The following KCNH5 variants were observed in gnomAD, a reference collection of about 807,000 sequenced individuals.
KCNH5 encodes the protein voltage-gated delayed rectifier potassium channel KCNH5.
KCNH5 carries 46 observed loss-of-function variants against 96.1 expected under a neutral mutation model. The ratio of observed to expected loss-of-function variants is 0.48; its 90% CI spans 0.38 to 0.61. The LOEUF is 0.61. Among genes scored for constraint, KCNH5 ranks in the 20% least tolerant of loss-of-function variants. The pLI is 0.00. For synonymous variants in KCNH5, 439 were observed against 449.8 expected (o/e 0.98, Z 0.30); for missense variants, 907 against 1,225.8 (o/e 0.74, Z 3.88).
At chr14:62,828,632 G>A (rs964018153) in intron 8 of KCNH5, among the ~76,000 whole-genome samples, 11 of 152,106 alleles carry the variant, frequency 7.2e-5, no homozygotes, top group African/African-American at 2.7e-4. Context: ...ACAGCATGGA[G>A]GAAACTTCCC....
At chr14:62,879,344 C>T (rs1336648725) in intron 7 of KCNH5, among the ~76,000 whole-genome samples, 6 of 152,068 alleles carry the variant, frequency 3.9e-5, no homozygotes, top group South Asian at 2.1e-4. Flanking sequence ...AACAGTCCCA[C>T]GTAATCTCCG....
intron 10 of KCNH5, among the ~76,000 whole-genome samples, chr14:62,708,967 C>G (rs921332322): frequency 6.6e-6 from 1 of 151,988 alleles, no homozygotes; most frequent in African/African-American, 2.4e-5. Context: ...CTCTGTTGGC[C>G]GGGCGCGGCG....
At chr14:62,987,041 T>G (rs531320469) in intron 5 of KCNH5, 31 bp downstream of exon 5, 1 of 1,467,854 alleles carries the variant, frequency 6.8e-7, no homozygotes, top group African/African-American at 1.4e-5. Context: ...AACACCACCA[T>G]CTTGGGAAGC....
chr14:63,018,469 G>A (rs1049196686), intron 1 of KCNH5, among the ~76,000 whole-genome samples: 6 of 151,952 alleles, frequency 3.9e-5, no homozygotes, highest in Non-Finnish European at 5.9e-5. Flanking sequence ...TAAAGAGATG[G>A]ATAGAAATTT....
intron 7 of KCNH5, among the ~76,000 whole-genome samples, chr14:62,912,899 T>C (rs1296282486): frequency 1.3e-5 from 2 of 152,226 alleles, no homozygotes; most frequent in Non-Finnish European, 2.9e-5. Context: ...TTTCACAGAT[T>C]GGTATGTCTG....
chr14:62,989,347 T>C (rs1423523430), intron 4 of KCNH5, among the ~76,000 whole-genome samples: 1 of 152,086 alleles, frequency 6.6e-6, no homozygotes. Flanking sequence ...TCACACATGC[T>C]CTGCATCCCA....
intron 8 of KCNH5, among the ~76,000 whole-genome samples, chr14:62,827,455 C>T (rs555183829): frequency 2.0e-5 from 3 of 152,218 alleles, no homozygotes; most frequent in Admixed American, 6.5e-5. Flanking sequence ...ACAGAATCAT[C>T]GAAGTAAGTC....
At chr14:63,006,774 G>A (rs904445331) in intron 2 of KCNH5, among the ~76,000 whole-genome samples, 3 of 152,090 alleles carry the variant, frequency 2.0e-5, no homozygotes, top group Non-Finnish European at 4.4e-5. Flanking sequence ...TTGATCTTCA[G>A]TCTACAAATC....
intron 8 of KCNH5, among the ~76,000 whole-genome samples, chr14:62,838,060 T>C (rs1392274759): frequency 1.3e-5 from 2 of 152,168 alleles, no homozygotes; most frequent in Non-Finnish European, 2.9e-5. Flanking sequence ...AACTACTGAT[T>C]TAAATTATGT....
chr14:62,934,249 C>G (rs1157844044), intron 7 of KCNH5, among the ~76,000 whole-genome samples: 2 of 151,938 alleles, frequency 1.3e-5, no homozygotes, highest in Non-Finnish European at 2.9e-5. Flanking sequence ...GCGTCAGCCT[C>G]CCTAGTAGCT....
intron 9 of KCNH5, among the ~76,000 whole-genome samples, chr14:62,796,987 T>C (rs919678997): frequency 6.6e-6 from 1 of 152,138 alleles, no homozygotes; most frequent in African/African-American, 2.4e-5. Flanking sequence ...TAACTTTGAA[T>C]AGAATGGGAG....
At chr14:62,830,059 G>C (rs976557013) in intron 8 of KCNH5, among the ~76,000 whole-genome samples, 2 of 152,130 alleles carry the variant, frequency 1.3e-5, no homozygotes, top group Admixed American at 6.5e-5. Flanking sequence ...TACATCTCTA[G>C]GGCAGGGGCA....
At chr14:63,023,998 A>G (rs1167340832) in intron 1 of KCNH5, among the ~76,000 whole-genome samples, 1 of 152,096 alleles carries the variant, frequency 6.6e-6, no homozygotes, top group African/African-American at 2.4e-5. Flanking sequence ...TCATGAGGTC[A>G]GGCATTCAAG....
chr14:62,845,011 TA>T (rs1379674441), intron 8 of KCNH5, among the ~76,000 whole-genome samples: 1 of 152,184 alleles, frequency 6.6e-6, no homozygotes, highest in Non-Finnish European at 1.5e-5. Context: ...ATTTTAAAAC[TA>T]ACCAGAGAAG....
At chr14:62,931,735 T>C (rs1489500083) in intron 7 of KCNH5, among the ~76,000 whole-genome samples, 1 of 152,154 alleles carries the variant, frequency 6.6e-6, no homozygotes, top group African/African-American at 2.4e-5. Context: ...AGAGGATTTA[T>C]TGAAAGTCTG....
chr14:63,004,445 G>A (rs1348150312), intron 3 of KCNH5, among the ~76,000 whole-genome samples: 1 of 152,170 alleles, frequency 6.6e-6, no homozygotes, highest in Non-Finnish European at 1.5e-5. Context: ...GAGTTATCTG[G>A]AAAGAACCAG....
chr14:62,896,335 C>T (rs1888811878), intron 7 of KCNH5, among the ~76,000 whole-genome samples: 1 of 152,138 alleles, frequency 6.6e-6, no homozygotes, highest in Non-Finnish European at 1.5e-5. Flanking sequence ...CTTTTTTCAG[C>T]AAATTGCAGA....
chr14:62,853,364 A>C (rs893620040), intron 7 of KCNH5, among the ~76,000 whole-genome samples: 4 of 149,518 alleles, frequency 2.7e-5, no homozygotes, highest in Non-Finnish European at 5.9e-5. Flanking sequence ...CATATAAAAA[A>C]GTATAAAAAA....
chr14:62,755,057 C>G (rs72625623), intron 10 of KCNH5, among the ~76,000 whole-genome samples: 2 of 150,332 alleles, frequency 1.3e-5, no homozygotes, highest in African/African-American at 4.9e-5. Context: ...ACTAGAAAAG[C>G]AAGAGAAAAC....
Sources: allele counts gnomAD v4.1 joint callset (sites outside exome capture counted in the v4.1 genomes callset), GRCh38; gene constraint gnomAD v4.1.1; transcripts MANE v1.5; gene names NCBI Gene and HGNC (gene_info 2026-07-23, HGNC 2026-07-21).